TPCN1: variants seen among roughly 807,000 people sequenced by gnomAD.
TPCN1 encodes two pore segment channel 1.
In TPCN1, 52 loss-of-function variants were observed where a neutral mutation model predicts 108.8. That is an observed-to-expected ratio of 0.48 (90% CI 0.38 to 0.60). The LOEUF is 0.60. Among genes scored for constraint, TPCN1 ranks in the 20% least tolerant of loss-of-function variants. TPCN1 has a pLI of 0.00. For synonymous variants in TPCN1, 446 were observed against 433.7 expected, an observed-to-expected ratio of 1.03 and a Z score of -0.35; for missense variants, 806 against 1,072.8, an observed-to-expected ratio of 0.75 and a Z score of 3.47.
In TPCN1 at chr12:113,266,243, C is replaced by T; in HGVS notation, c.301C>T (p.Leu101Phe). 1.2e-6 allele frequency: 2 copies of T among 1,614,164 alleles called. No individual in the cohort carries two copies. The highest frequency in any genetic ancestry group is 1.7e-6 in the Non-Finnish European group (2 of 1,180,040). The change falls in exon 4 of 28, where the codon CTC becomes TTC. Residue 101 changes from leucine (L) to phenylalanine (F), a missense_variant. Coordinates refer to ENST00000335509, the MANE Select transcript of TPCN1 (RefSeq NM_017901.6). The surrounding 1 kb of genome is among the most constrained non-coding windows in gnomAD (Gnocchi z 4.2). ...PKDAKALAAY[L>F]FAHNHLFYLM... ...GGATGCCAAGGCGCTGGCGGCCTAC[C>T]TCTTTGCACACAATCACCTCTTCTA...
chr12:113,222,137 C>A (rs1419382134), intron 1 of TPCN1, among the ~76,000 whole-genome samples: 1 of 152,174 alleles, frequency 6.6e-6, no homozygotes, highest in East Asian at 1.9e-4. Context: ...CCCTACTCCT[C>A]CACTGTGTGA....
intron 2 of TPCN1, among the ~76,000 whole-genome samples, chr12:113,244,912 G>A (rs1311357773): frequency 6.6e-6 from 1 of 152,132 alleles, no homozygotes; most frequent in Non-Finnish European, 1.5e-5. Flanking sequence ...GTCTCACAGA[G>A]GATGTGCGAG....
At chr12:113,256,289 A>AT (rs1451303784) in intron 2 of TPCN1, among the ~76,000 whole-genome samples, 3 of 151,558 alleles carry the variant, frequency 2.0e-5, no homozygotes, top group African/African-American at 7.3e-5. Flanking sequence ...TTACTTTTTA[A>AT]ATTTTTTTTT....
chr12:113,268,894 G>A lies in TPCN1; in HGVS notation c.659+22G>A, dbSNP rs745785501. On this transcript the variant is annotated intron_variant, in intron 6 of 27. Transcript: ENST00000335509. The surrounding 1 kb of genome is among the most constrained non-coding windows in gnomAD (Gnocchi z 7.3). ...GGCGGTAAGGCCCGGGTGGGGAGCT[G>A]GGCAGTCACTATCCTGGCATGGCCT... 1 of 1,613,110 alleles carries A rather than the reference G, an allele frequency of 6.2e-7. No individual in the cohort carries two copies.
At position 113,288,087 on chromosome 12, in the gene TPCN1, G is replaced by T; in HGVS notation, c.1635-76G>T. ...CTTCACCGCATGGCGTGTGGAAGGC[G>T]GGGCCGGCATGTTCTGAGGGCGGGG... On this transcript the variant is annotated intron_variant, in intron 19 of 27. Transcript: ENST00000335509. This position sits in a 1 kb window ranked among gnomAD's most constrained non-coding sequence, Gnocchi z 4.8. 2 of 1,422,254 alleles carry T rather than the reference G, an allele frequency of 1.4e-6. No homozygotes were observed. The highest frequency in any genetic ancestry group is 1.3e-5 in the South Asian group (1 of 78,570). The allele number at this position is 1,422,254 out of a possible 1,614,324, so 88.1% of individuals were successfully genotyped here. A position where few individuals can be genotyped will look rare whatever the true frequency, so the allele number is the denominator to read the frequency against.
At position 113,272,675 on chromosome 12, in the gene TPCN1, C is replaced by T. The variant is rs776116115; in HGVS notation, c.766C>T (p.Pro256Ser). ...ACTTCTAGGTTTCTACTTGTTCTCC[C>T]CTAACCCTTCAGACCCCGTAAGTAA... is the stretch of plus-strand genomic sequence containing the variant. ...FAILGFYLFSPNPSDPYFSTL... is the reference protein window; with the variant it reads ...FAILGFYLFSSNPSDPYFSTL... The change falls in exon 8 of 28, where the codon CCT becomes TCT. Residue 256 changes from proline (P) to serine (S), a missense_variant. Transcript: ENST00000335509. The surrounding 1 kb of genome is among the most constrained non-coding windows in gnomAD (Gnocchi z 4.1). 4.3e-6 allele frequency: 7 copies of T among 1,613,844 alleles called. No homozygotes were observed. Among genetic ancestry groups the T allele is most frequent in the Non-Finnish European group, 3.4e-6 (4 of 1,179,840 alleles).
At chr12:113,292,807 A>T in intron 25 of TPCN1, 127 bp from the exon 26 acceptor site, 1 of 1,059,874 alleles carries the variant, frequency 9.4e-7, no homozygotes, top group Non-Finnish European at 1.4e-6. Flanking sequence ...GCAGGACACC[A>T]ATGCAGTGTC....
intron 1 of TPCN1, among the ~76,000 whole-genome samples, chr12:113,222,670 T>C (rs1009095589): frequency 2.6e-5 from 4 of 152,206 alleles, no homozygotes; most frequent in African/African-American, 7.2e-5. Flanking sequence ...GACTTTAATC[T>C]ATGGTGGCAG....
Position 113,284,604 on chromosome 12 carries a change from G to T in TPCN1, c.1366G>T (p.Val456Phe). Residue 456 changes from valine to phenylalanine, a missense_variant, in exon 16 of 28, where the codon GTC (valine) becomes TTC (phenylalanine). Transcript: ENST00000335509. This position sits in a 1 kb window ranked among gnomAD's most constrained non-coding sequence, Gnocchi z 4.1. ...AGACTTGGTGGTGGCAGTCAACGGG[G>T]TCTGGATCCTCGTGGAGACATTTAT... is the stretch of plus-strand genomic sequence containing the variant. ...FMYLVVAVNG[V>F]WILVETFMLK... The T allele has an allele frequency of 6.2e-7, 1 of 1,614,192 alleles. No individual in the cohort carries two copies. The highest frequency in any genetic ancestry group is 8.5e-7 in the Non-Finnish European group (1 of 1,180,046).
intron 18 of TPCN1, among the ~76,000 whole-genome samples, chr12:113,286,450 A>G (rs1956082760): frequency 6.6e-6 from 1 of 152,156 alleles, no homozygotes; most frequent in Non-Finnish European, 1.5e-5. Flanking sequence ...TAACACGCAG[A>G]GCGGAGTTGG....
intron 2 of TPCN1, chr12:113,244,507 C>T (rs1047696970): frequency 4.1e-6 from 4 of 985,296 alleles, no homozygotes; most frequent in South Asian, 9.4e-5. Flanking sequence ...TGCTTTCTTT[C>T]GGCGTAGCAT....
At chr12:113,222,965 A>G (rs940763628) in intron 1 of TPCN1, among the ~76,000 whole-genome samples, 2 of 152,212 alleles carry the variant, frequency 1.3e-5, no homozygotes, top group Non-Finnish European at 2.9e-5. Flanking sequence ...GTTCACGTAT[A>G]TATTCTCTGC....
intron 2 of TPCN1, chr12:113,244,883 G>A (rs758596333): frequency 2.1e-6 from 1 of 480,846 alleles, no homozygotes; most frequent in Non-Finnish European, 2.7e-6. Context: ...GTGAACTTGG[G>A]TGTCCAGGGT....
intron 2 of TPCN1, among the ~76,000 whole-genome samples, chr12:113,235,902 G>A (rs1469894393): frequency 6.6e-6 from 1 of 152,168 alleles, no homozygotes; most frequent in Non-Finnish European, 1.5e-5. Flanking sequence ...TGAACAGGAA[G>A]TGAAAGATTC....
chr12:113,248,898 A>G (rs1954513520), intron 2 of TPCN1, among the ~76,000 whole-genome samples: 1 of 152,252 alleles, frequency 6.6e-6, no homozygotes, highest in South Asian at 2.1e-4. Context: ...AACAGACAGT[A>G]GGAAGACAGA....
In TPCN1 at chr12:113,226,836, C is replaced by G; in HGVS notation, c.-17C>G. On this transcript the variant is annotated 5_prime_UTR_variant, in exon 2 of 28. Coordinates refer to ENST00000335509, the MANE Select transcript of TPCN1 (RefSeq NM_017901.6). ...AGCCCTGGATATCATATCCTGAGGG[C>G]CACAGGAGAAGAGAACATGGCTGTG... 1 of 1,614,132 alleles carries G rather than the reference C, an allele frequency of 6.2e-7. No homozygotes were observed. The highest frequency in any genetic ancestry group is 8.5e-7 in the Non-Finnish European group (1 of 1,180,034).
rs891229933 is a variant in TPCN1 at position 113,269,177 on chromosome 12, T to C, written c.659+305T>C. On this transcript the variant is annotated intron_variant, in intron 6 of 27. Transcript: ENST00000335509. This position sits in a 1 kb window ranked among gnomAD's most constrained non-coding sequence, Gnocchi z 5.0. Reference sequence around the variant, plus strand: ...AATGCAGGCAGCTCAGCAGCGTCCATGTGACACAAGCAGACTCTCCTGCCA... The same window carrying C: ...AATGCAGGCAGCTCAGCAGCGTCCACGTGACACAAGCAGACTCTCCTGCCA... Among the ~76,000 whole-genome samples the C allele has an allele frequency of 6.6e-6, 1 of 152,174 alleles. No homozygotes were observed. The highest frequency in any genetic ancestry group is 1.5e-5 in the Non-Finnish European group (1 of 68,026).
At position 113,288,975 on chromosome 12, in the gene TPCN1, T is replaced by C. The variant is rs545730071; in HGVS notation, c.1796+128T>C. On this transcript the variant is annotated intron_variant, in intron 21 of 27. Transcript: ENST00000335509. The surrounding 1 kb of genome is among the most constrained non-coding windows in gnomAD (Gnocchi z 4.8). ...TTCCTGTCTAAGCAACCACCTTGCT[T>C]TGCTTTCAGGGCTTAGTTGAGTGCA... 1.1e-5 allele frequency: 10 copies of C among 920,498 alleles called. No individual in the cohort carries two copies. In the South Asian group the frequency reaches 1.3e-4, roughly 12 times the overall value. 57.0% of individuals were successfully genotyped at this position (920,498 alleles called of 1,614,324 possible).
In TPCN1 at chr12:113,297,215, G is replaced by A. The variant is rs1016432441; in HGVS notation, c.*1139G>A. The stretch of plus-strand genomic sequence containing the variant: ...CCCTGTATGACATCTGAGCGTGGTG[G>A]AGGTAGGAGGGTTGCCAGCTGCAGT... On this transcript the variant is annotated 3_prime_UTR_variant, in exon 28 of 28. Coordinates refer to ENST00000335509, the MANE Select transcript of TPCN1 (RefSeq NM_017901.6). This position sits in a 1 kb window ranked among gnomAD's most constrained non-coding sequence, Gnocchi z 4.4. The A allele has an allele frequency of 6.5e-6, 1 of 152,784 alleles. No individual in the cohort carries two copies. Among genetic ancestry groups the A allele is most frequent in the African/African-American group, 2.4e-5 (1 of 41,450 alleles). 9.5% of individuals were successfully genotyped at this position (152,784 alleles called of 1,614,324 possible).
Sources: gnomAD v4.1 joint callset for allele counts (sites outside exome capture counted in the v4.1 genomes callset) on GRCh38, gnomAD v4.1.1 for gene constraint, Gnocchi (gnomAD v3.1) non-coding constraint, MANE v1.5 for transcripts, NCBI Gene and HGNC (gene_info 2026-07-23, HGNC 2026-07-21) for gene names.